The following ARVCF variants were observed in gnomAD, a reference collection of about 807,000 sequenced individuals.
ARVCF encodes the protein ARVCF delta catenin family member.
In ARVCF, 66 loss-of-function variants were observed where a neutral mutation model predicts 90.9. The observed-to-expected ratio is 0.73, with a 90% CI of 0.60 to 0.89. The LOEUF is 0.89. Ranked by LOEUF, ARVCF falls within the 40% of genes least tolerant of loss-of-function variation. The pLI, the probability that ARVCF is intolerant of heterozygous loss-of-function variation, is 0.00. For synonymous variants in ARVCF, 653 were observed against 603.4 expected (o/e 1.08, Z -1.21); for missense variants, 1,469 against 1,382.3 (o/e 1.06, Z -1.00).
chr22:19,966,731 T>C (rs1372091710), downstream of ARVCF, among the ~76,000 whole-genome samples: 1 of 151,890 alleles, frequency 6.6e-6, no homozygotes, highest in Non-Finnish European at 1.5e-5. Flanking sequence ...GTGTGCTTGG[T>C]CTGAGGCTCC....
chr22:19,987,195 T>TCGCTCCCCGCGGGGGCGGATC (rs1386003331), intron 3 of ARVCF: 3 of 396,116 alleles, frequency 7.6e-6, no homozygotes, highest in Non-Finnish European at 1.3e-5. Flanking sequence ...CTCGGCGGAC[T>TCGCTCCCCGCGGGGGCGGATC]CGCTCCCCGC....
chr22:20,005,162 T>C (rs74780487), intron 2 of ARVCF, among the ~76,000 whole-genome samples: 5,037 of 152,242 alleles, frequency 0.033, 127 homozygotes, highest in East Asian at 0.066. Flanking sequence ...ATATCCAGAA[T>C]ATGTAAAGAA....
intron 2 of ARVCF, among the ~76,000 whole-genome samples, chr22:19,998,915 C>T (rs758367802): frequency 3.9e-5 from 6 of 152,180 alleles, no homozygotes; most frequent in Non-Finnish European, 8.8e-5. Flanking sequence ...TTCACCTATC[C>T]GCCCAGGGGG....
intron 3 of ARVCF, among the ~76,000 whole-genome samples, chr22:19,985,466 C>G (rs1445056946): frequency 1.3e-5 from 2 of 152,370 alleles, no homozygotes; most frequent in East Asian, 3.9e-4. Flanking sequence ...CAGGGCTGAG[C>G]CCAGCATAGG....
Position 19,973,177 on chromosome 22 carries a change from C to T in ARVCF, c.2380G>A (p.Ala794Thr). The change falls in exon 14 of 20, where the codon GCG (alanine) becomes ACG (threonine). Residue 794 changes from alanine (A) to threonine (T), a missense_variant. Transcript: ENST00000263207. ...CCGCGTGCCTGCAGGAGCGAGCGCG[C>T]GTTATCCAGGCTGTCGGACACGATT... is the stretch of plus-strand genomic sequence containing the variant. ...HEIVSDSLDN[A>T]RSLLQARGVP... 6.2e-7 allele frequency: 1 copy of T among 1,610,764 alleles called. No individual in the cohort carries two copies. The highest frequency in any genetic ancestry group is 1.7e-4 in the Middle Eastern group (1 of 6,054).
chr22:19,969,122 C>CT (rs1942601254), downstream of ARVCF: 1 of 220,290 alleles, frequency 4.5e-6, no homozygotes, highest in Non-Finnish European at 9.2e-6. Flanking sequence ...GACGCTAACG[C>CT]TAAGGGCGGG....
chr22:19,971,221 A>G lies in ARVCF; in HGVS notation c.*7T>C. On this transcript the variant is annotated 3_prime_UTR_variant, in exon 19 of 20. Transcript: ENST00000263207. ...AACCAGATGAGAGAACGTACCAGGC[A>G]TGCAAGCTAGACCCAGGAATCAACG... 4 of 1,552,866 alleles carry G rather than the reference A, an allele frequency of 2.6e-6. No individual in the cohort carries two copies. Among genetic ancestry groups the G allele is most frequent in the Non-Finnish European group, 3.5e-6 (4 of 1,147,484 alleles).
intron 2 of ARVCF, among the ~76,000 whole-genome samples, chr22:20,007,092 A>G (rs982400389): frequency 2.0e-5 from 3 of 151,704 alleles, no homozygotes; most frequent in African/African-American, 7.3e-5. Flanking sequence ...TGTCTGTACA[A>G]AAAATACAAA....
chr22:20,012,783 C>T (rs866046177), intron 1 of ARVCF, among the ~76,000 whole-genome samples: 5 of 152,254 alleles, frequency 3.3e-5, no homozygotes, highest in Middle Eastern at 3.2e-3. Flanking sequence ...CATGGTCCAA[C>T]CAGAGGGCTG....
At chr22:19,973,950 G>T (rs547944336) in intron 12 of ARVCF, among the ~76,000 whole-genome samples, 157 bp from the exon 13 acceptor site, 1 of 152,300 alleles carries the variant, frequency 6.6e-6, no homozygotes, top group Non-Finnish European at 1.5e-5. Context: ...TTTTCCCACC[G>T]TCCAGGGTGC....
intron 3 of ARVCF, among the ~76,000 whole-genome samples, chr22:19,987,899 C>T (rs955858475): frequency 1.3e-5 from 2 of 152,138 alleles, no homozygotes; most frequent in Non-Finnish European, 2.9e-5. Flanking sequence ...GGGCCACACC[C>T]TAGGGAATCT....
intron 2 of ARVCF, among the ~76,000 whole-genome samples, chr22:20,005,994 T>C (rs561989338): frequency 3.5e-4 from 53 of 152,314 alleles, no homozygotes; most frequent in Non-Finnish European, 6.6e-4. Context: ...ATTCTCATGA[T>C]ACTAAGTGAA....
At chr22:20,005,370 T>C (rs1944583168) in intron 2 of ARVCF, among the ~76,000 whole-genome samples, 1 of 136,868 alleles carries the variant, frequency 7.3e-6, no homozygotes, top group South Asian at 2.5e-4. Context: ...GGATGGCTAG[T>C]CTAAAAAAAA....
At chr22:20,003,662 C>A (rs1328797063) in intron 2 of ARVCF, among the ~76,000 whole-genome samples, 1 of 152,054 alleles carries the variant, frequency 6.6e-6, no homozygotes, top group Admixed American at 6.5e-5. Context: ...AAACATTTAA[C>A]AAAATTCAAT....
Position 19,979,027 on chromosome 22 carries a change from G to T in ARVCF, c.1450C>A (p.His484Asn). 3 of 1,613,392 alleles carry T rather than the reference G, an allele frequency of 1.9e-6. No individual in the cohort carries two copies. Among genetic ancestry groups the T allele is most frequent in the Non-Finnish European group, 2.5e-6 (3 of 1,179,926 alleles). The change falls in exon 7 of 20, where the codon CAT becomes AAT. Residue 484 changes from histidine to asparagine, a missense_variant. His to Asn is a moderately conservative substitution (Grantham distance 68, BLOSUM62 1). Transcript: ENST00000263207. The part of the protein sequence containing the change: ...YEPLKMVIID[H>N]GLQTLTHEVI... ...TCGTGGGTCAGCGTCTGCAGGCCAT[G>T]GTCAATGATGACCATCTTCAGGGGC...
In ARVCF at chr22:20,011,362, C is replaced by T. The variant is rs181914666; in HGVS notation, c.-72-854G>A. On this transcript the variant is annotated intron_variant, in intron 1 of 19. Transcript: ENST00000263207. ...GGCTGGGCCTCGGATGGGAGGCTGT[C>T]TCTGGGGGACATCGGTAATGAGAGC... Among the ~76,000 whole-genome samples, 384 of 152,262 alleles carry T rather than the reference C, an allele frequency of 2.5e-3. 1 individual carries two copies. Among genetic ancestry groups the T allele is most frequent in the African/African-American group, 8.6e-3 (357 of 41,538 alleles).
chr22:19,977,396 C>A lies in ARVCF; in HGVS notation c.1870+19G>T. ...GGAGTTGAGATGGTAGAGATGATAC[C>A]CCAGTCCGCCCCACCCACCTTTGGC... On this transcript the variant is annotated intron_variant, in intron 9 of 19. Coordinates refer to ENST00000263207, the MANE Select transcript of ARVCF (RefSeq NM_001670.3). 1 of 1,495,604 alleles carries A rather than the reference C, an allele frequency of 6.7e-7. No individual in the cohort carries two copies. The highest frequency in any genetic ancestry group is 1.4e-5 in the South Asian group (1 of 73,372). The allele number at this position is 1,495,604 out of a possible 1,614,324, so 92.6% of individuals were successfully genotyped here.
rs1189179213 is a variant in ARVCF at position 19,973,329 on chromosome 22, G to A, written c.2240-12C>T. 13 of 1,585,488 alleles carry A rather than the reference G, an allele frequency of 8.2e-6. No homozygotes were observed. The highest frequency in any genetic ancestry group is 1.3e-5 in the African/African-American group (1 of 74,618). The stretch of plus-strand genomic sequence containing the variant: ...CATGGCGTAGCTCCCTGAGGGGCAG[G>A]ACTAGGTGTCAGAACACACCTCTGC... On this transcript the variant is annotated splice_polypyrimidine_tract_variant and intron_variant, in intron 13 of 19. Coordinates refer to ENST00000263207, the MANE Select transcript of ARVCF (RefSeq NM_001670.3).
In ARVCF at chr22:19,972,434, G is replaced by A. The variant is rs528241767; in HGVS notation, c.2642-23C>T. Reference sequence around the variant, plus strand: ...CCTCTGCAAGGCAGGAGGAGGAGACGGGCTGCATGTGGCAGCCAGGGGGGA... The same window carrying A: ...CCTCTGCAAGGCAGGAGGAGGAGACAGGCTGCATGTGGCAGCCAGGGGGGA... On this transcript the variant is annotated intron_variant, in intron 16 of 19. Coordinates refer to ENST00000263207, the MANE Select transcript of ARVCF (RefSeq NM_001670.3). 1.1e-5 allele frequency: 18 copies of A among 1,613,084 alleles called. No individual in the cohort carries two copies. The Admixed American group carries it at 1.3e-4, about 12-fold the overall frequency.
Sources: allele counts gnomAD v4.1 joint callset (sites outside exome capture counted in the v4.1 genomes callset), GRCh38; gene constraint gnomAD v4.1.1; transcripts MANE v1.5; gene names NCBI Gene and HGNC (gene_info 2026-07-23, HGNC 2026-07-21).